Variants in DMRT1 observed in about 807,000 individuals in gnomAD.
The protein encoded by DMRT1 is doublesex and mab-3 related transcription factor 1, also known as doublesex- and mab-3-related transcription factor 1.
In DMRT1, 7 loss-of-function variants were observed where a neutral mutation model predicts 32.3. That is an observed-to-expected ratio of 0.22 (90% CI 0.12 to 0.41). The LOEUF is 0.41. Among genes scored for constraint, DMRT1 ranks in the 10% least tolerant of loss-of-function variants. The probability of loss-of-function intolerance (pLI) is 1.00; values close to 1 mark genes in which losing one functional copy is unlikely to be tolerated. For missense variants in DMRT1, 625 were observed against 500.5 expected (o/e 1.25, Z -2.37); for synonymous variants, 278 against 206.1 (o/e 1.35, Z -2.99).
chr9:891,285 T>C (rs1817138819), intron 2 of DMRT1, among the ~76,000 whole-genome samples: 2 of 150,772 alleles, frequency 1.3e-5, no homozygotes. Context: ...CGTCTCTACT[T>C]AAAAAAAATA....
intron 3 of DMRT1, among the ~76,000 whole-genome samples, chr9:898,371 G>T (rs2129652395): frequency 6.6e-6 from 1 of 152,172 alleles, no homozygotes; most frequent in Non-Finnish European, 1.5e-5. Context: ...CCGCCCACTC[G>T]GCCTCCCAAA....
intron 2 of DMRT1, among the ~76,000 whole-genome samples, chr9:852,482 G>T (rs1402951009): frequency 1.4e-5 from 2 of 145,054 alleles, no homozygotes; most frequent in East Asian, 2.0e-4. Context: ...TCTTTGTTTT[G>T]TTTTATTTAA....
In DMRT1 at chr9:865,412, CA is replaced by C. The variant is rs368144300; in HGVS notation, c.538+18270del. On this transcript the variant is annotated intron_variant, in intron 2 of 4. Coordinates refer to ENST00000382276, the MANE Select transcript of DMRT1 (RefSeq NM_021951.3). ...TATCTTGTAGAATTGTTAGAGTGCTCATTTTTTTCTTAAGATATGTATGGTA... is the reference window on the plus strand; with the variant it reads ...TATCTTGTAGAATTGTTAGAGTGCTCTTTTTTTCTTAAGATATGTATGGTA... 2.9e-4 allele frequency among the ~76,000 whole-genome samples: 44 copies of C among 151,970 alleles called. No individual in the cohort carries two copies. In the East Asian group the frequency reaches 6.9e-3, roughly 24 times the overall value.
intron 2 of DMRT1, among the ~76,000 whole-genome samples, chr9:872,943 T>A (rs555624266): frequency 1.3e-5 from 2 of 152,188 alleles, no homozygotes; most frequent in African/African-American, 4.8e-5. Context: ...GATTGGACGA[T>A]GTCCCCCCAC....
intron 2 of DMRT1, among the ~76,000 whole-genome samples, chr9:885,647 T>G (rs1163243115): frequency 2.0e-5 from 3 of 152,110 alleles, no homozygotes; most frequent in Non-Finnish European, 4.4e-5. Flanking sequence ...TTTCAGGGGT[T>G]TTGTAGACAC....
At chr9:849,176 G>A (rs187638665) in intron 2 of DMRT1, among the ~76,000 whole-genome samples, 2 of 152,150 alleles carry the variant, frequency 1.3e-5, no homozygotes, top group African/African-American at 4.8e-5. Flanking sequence ...AAAAGAGCTG[G>A]CTGAGCTAGG....
chr9:876,816 C>T (rs1816521232), intron 2 of DMRT1, among the ~76,000 whole-genome samples: 2 of 152,170 alleles, frequency 1.3e-5, no homozygotes, highest in South Asian at 2.1e-4. Context: ...CAGGCATGAC[C>T]ACTGTGCCCA....
At chr9:911,478 T>TTTTTTG (rs1167226899) in intron 3 of DMRT1, among the ~76,000 whole-genome samples, 3 of 48,054 alleles carry the variant, frequency 6.2e-5, no homozygotes, top group African/African-American at 4.9e-4. Context: ...GCATTTTTTT[T>TTTTTTG]TTTTTTTTTT....
intron 2 of DMRT1, among the ~76,000 whole-genome samples, chr9:849,966 A>C (rs2002759): frequency 6.6e-6 from 1 of 151,674 alleles, no homozygotes; most frequent in African/African-American, 2.4e-5. Flanking sequence ...TGGGATTACA[A>C]GCATGCGCTA....
chr9:958,801 T>C (rs1470327206), intron 4 of DMRT1, among the ~76,000 whole-genome samples: 1 of 152,240 alleles, frequency 6.6e-6, no homozygotes, highest in Non-Finnish European at 1.5e-5. Context: ...AACTGCAGTT[T>C]GTGGATTAGA....
intron 3 of DMRT1, among the ~76,000 whole-genome samples, chr9:904,490 C>G (rs1474540950): frequency 6.6e-6 from 1 of 152,144 alleles, no homozygotes; most frequent in African/African-American, 2.4e-5. Context: ...GAAAAAAAGA[C>G]TAGAGTTGCC....
In DMRT1 at chr9:916,832, T is replaced by G; in HGVS notation, c.892T>G (p.Ser298Ala). 6.2e-7 allele frequency: 1 copy of G among 1,614,240 alleles called. No homozygotes were observed. The highest frequency in any genetic ancestry group is 8.5e-7 in the Non-Finnish European group (1 of 1,180,048). ...YRMHSYYPPP[S>A]YLGQSVPQFF... is the part of the protein sequence containing the mutation. ...GATGCATTCTTACTACCCGCCTCCC[T>G]CTTACCTGGGCCAGAGCGTGCCCCA... The change falls in exon 4 of 5, where the codon TCT becomes GCT. Residue 298 changes from serine (S) to alanine (A), a missense_variant. By Grantham distance (99) the Ser-to-Ala change is moderately conservative. Transcript: ENST00000382276.
At chr9:925,860 G>C (rs1197940551) in intron 4 of DMRT1, among the ~76,000 whole-genome samples, 1 of 152,192 alleles carries the variant, frequency 6.6e-6, no homozygotes, top group African/African-American at 2.4e-5. Flanking sequence ...GCACGTGGAG[G>C]AACTGAAGCT....
At chr9:878,562 C>T (rs1816605699) in intron 2 of DMRT1, among the ~76,000 whole-genome samples, 1 of 152,126 alleles carries the variant, frequency 6.6e-6, no homozygotes, top group Non-Finnish European at 1.5e-5. Flanking sequence ...TGTCTGACCT[C>T]AGAGAAGGCC....
rs936948166 is a variant in DMRT1, at chr9:942,480, C to T, written c.968-25505C>T. ...TAGCGATGGGGTTTAGCCATGTTGC[C>T]GAAGCTGGTCTTGAACTCCTGAGCT... is the stretch of plus-strand genomic sequence containing the variant. On this transcript the variant is annotated intron_variant, in intron 4 of 4. Transcript: ENST00000382276. 1.1e-4 allele frequency among the ~76,000 whole-genome samples: 16 copies of T among 152,202 alleles called. 1 individual carries two copies. The Middle Eastern group carries it at 0.021, about 195-fold the overall frequency.
chr9:930,222 T>C (rs543040830), intron 4 of DMRT1, among the ~76,000 whole-genome samples: 1 of 152,200 alleles, frequency 6.6e-6, no homozygotes, highest in Admixed American at 6.5e-5. Context: ...TCTATTTGTT[T>C]GTTTTTTTAG....
At chr9:850,216 T>C (rs548716311) in intron 2 of DMRT1, among the ~76,000 whole-genome samples, 2 of 152,286 alleles carry the variant, frequency 1.3e-5, no homozygotes, top group South Asian at 2.1e-4. Flanking sequence ...TGAGTGAGGA[T>C]TGATAACTTC....
At chr9:878,897 G>A (rs1816619833) in intron 2 of DMRT1, among the ~76,000 whole-genome samples, 1 of 152,136 alleles carries the variant, frequency 6.6e-6, no homozygotes, top group Non-Finnish European at 1.5e-5. Context: ...CTTGCCCCAT[G>A]ATTGCATGGC....
chr9:935,422 T>C (rs1430870698), intron 4 of DMRT1, among the ~76,000 whole-genome samples: 1 of 152,222 alleles, frequency 6.6e-6, no homozygotes, highest in East Asian at 1.9e-4. Flanking sequence ...TTTGACACAC[T>C]CTTAGGTTGA....
Sources: gnomAD v4.1 joint callset for allele counts (sites outside exome capture counted in the v4.1 genomes callset) on GRCh38, gnomAD v4.1.1 for gene constraint, MANE v1.5 for transcripts, NCBI Gene and HGNC (gene_info 2026-07-23, HGNC 2026-07-21) for gene names.